The following ABCA7 variants were observed in gnomAD, a reference collection of about 807,000 sequenced individuals.
ABCA7 encodes the protein phospholipid-transporting ATPase ABCA7.
Under a neutral mutation model 227.6 loss-of-function variants are expected in ABCA7, and 261 were observed. That is an observed-to-expected ratio of 1.15 (90% confidence interval 1.04 to 1.27). The LOEUF (loss-of-function observed/expected upper bound fraction) is 1.27. Among genes scored for constraint, ABCA7 ranks in the 50% most tolerant of loss-of-function variants. ABCA7 has a pLI of 0.00. For synonymous variants in ABCA7, 1,488 were observed against 1,279.7 expected (o/e 1.16, Z -3.47); for missense variants, 3,331 against 2,924.5 (o/e 1.14, Z -3.21).
Position 1,065,465 on chromosome 19 carries a change from T to C in ABCA7, c.*40T>C. 2 of 1,608,744 alleles carry C rather than the reference T, an allele frequency of 1.2e-6. No individual in the cohort carries two copies. Among genetic ancestry groups the C allele is most frequent in the Non-Finnish European group, 1.7e-6 (2 of 1,177,162 alleles). On this transcript the variant is annotated 3_prime_UTR_variant, in exon 47 of 47. Transcript: ENST00000263094. ...CGGGGCCGCGGGGAGGCCCTGGGAA[T>C]GGCAAGGGCAAGGTAGAGTGCCTAG...
rs1299665116 is a variant in ABCA7 at position 1,041,596 on chromosome 19, C to G, written c.153C>G (p.His51Gln). The G allele has an allele frequency of 6.2e-7, 1 of 1,612,178 alleles. No individual in the cohort carries two copies. Among genetic ancestry groups the G allele is most frequent in the Admixed American group, 1.7e-5 (1 of 60,018 alleles). ...AVRHSHPPLEHHECHFPNKPL... is the reference protein window; with the variant it reads ...AVRHSHPPLEQHECHFPNKPL... ...GCCACTCCCACCCGCCCCTGGAGCA[C>G]CATGAATGTGAGCCCCCCCAGGGAC... The change falls in exon 3 of 47, where the codon CAC (histidine) becomes CAG (glutamine). Residue 51 changes from histidine to glutamine, a missense_variant. Physicochemically the swap from His to Gln is conservative, Grantham distance 24. Transcript: ENST00000263094.
At position 1,053,372 on chromosome 19, in the gene ABCA7, G is replaced by C. The variant is rs751733036; in HGVS notation, c.3264G>C (p.Gly1088=). ...CCCTGGTACAGCACTGGGTGCCCGGGGCACGGCTGGTGGAGGAGCTGCCAC... is the reference window on the plus strand; with the variant it reads ...CCCTGGTACAGCACTGGGTGCCCGGCGCACGGCTGGTGGAGGAGCTGCCAC... ...LLALVQHWVP[G]ARLVEELPHE... The change falls in exon 24 of 47, where the codon GGG becomes GGC. Residue 1088 remains glycine (G), a synonymous_variant. Coordinates refer to ENST00000263094, the MANE Select transcript of ABCA7 (RefSeq NM_019112.4). 6.2e-7 allele frequency: 1 copy of C among 1,609,226 alleles called. No individual in the cohort carries two copies. Among genetic ancestry groups the C allele is most frequent in the Non-Finnish European group, 8.5e-7 (1 of 1,179,420 alleles).
rs2042400340 is a variant in ABCA7 at position 1,057,986 on chromosome 19, T to C, written c.4952T>C (p.Leu1651Pro). The C allele has an allele frequency of 1.2e-6, 2 of 1,613,962 alleles. No homozygotes were observed. The highest frequency in any genetic ancestry group is 1.1e-5 in the South Asian group (1 of 91,096). The change falls in exon 36 of 47, where the codon CTC becomes CCC. Residue 1651 changes from leucine (L) to proline (P), a missense_variant. Transcript: ENST00000263094. ...GTGCCCAGCACAGCCTATGTGGTGC[T>C]CACCTGCATAAACCTCTTTATTGGC... The part of the protein sequence containing the change: ...FSVPSTAYVV[L>P]TCINLFIGIN...
Position 1,042,397 on chromosome 19 carries a change from G to A in ABCA7, c.498G>A (p.Thr166=), listed in dbSNP as rs369528566. Residue 166 remains threonine, a splice_region_variant and synonymous_variant, in exon 6 of 47, where the codon ACG becomes ACA. Coordinates refer to ENST00000263094, the MANE Select transcript of ABCA7 (RefSeq NM_019112.4). ...VAELLTSLLR[T]ESLGLALGQA... ...AGCTGCTGACGTCACTGCTGCGCAC[G>A]GTAGGGTGTCGGGGCGGGACCGCGC... 8.1e-6 allele frequency: 13 copies of A among 1,610,404 alleles called. No individual in the cohort carries two copies. Among genetic ancestry groups the A allele is most frequent in the East Asian group, 6.7e-5 (3 of 44,752 alleles).
rs763730811 is a variant in ABCA7 at position 1,056,861 on chromosome 19, C to A, written c.4587-46C>A. ...GCGTGTTCAGCTCTGCTCTGAGCAA[C>A]CCATGCACCCTCACCCTACAACAGC... On this transcript the variant is annotated intron_variant, in intron 33 of 46. Transcript: ENST00000263094. The surrounding 1 kb of genome is among the most constrained non-coding windows in gnomAD (Gnocchi z 4.3). The A allele has an allele frequency of 6.3e-7, 1 of 1,586,636 alleles. No homozygotes were observed. Among genetic ancestry groups the A allele is most frequent in the Admixed American group, 1.7e-5 (1 of 58,870 alleles).
rs972918339 is a variant in ABCA7, at chr19:1,046,972, G to C, written c.1793G>C (p.Ser598Thr). ...RAVLWLGWFL[S>T]CLGPFLLSAA... Reference sequence around the variant, plus strand: ...GTGCTCTGGCTAGGCTGGTTCCTCAGCTGCCTCGGGCCCTTCCTGCTCAGC... The same window carrying C: ...GTGCTCTGGCTAGGCTGGTTCCTCACCTGCCTCGGGCCCTTCCTGCTCAGC... The change falls in exon 14 of 47, where the codon AGC (serine) becomes ACC (threonine). Residue 598 changes from serine to threonine, a missense_variant. Coordinates refer to ENST00000263094, the MANE Select transcript of ABCA7 (RefSeq NM_019112.4). 2 of 1,583,972 alleles carry C rather than the reference G, an allele frequency of 1.3e-6. No homozygotes were observed. The highest frequency in any genetic ancestry group is 1.1e-5 in the South Asian group (1 of 87,204).
In ABCA7 at chr19:1,064,967, C is replaced by G; in HGVS notation, c.6081C>G (p.Pro2027=). 6.5e-7 allele frequency: 1 copy of G among 1,550,018 alleles called. No homozygotes were observed. The highest frequency in any genetic ancestry group is 8.7e-7 in the Non-Finnish European group (1 of 1,148,790). ...GTCACACACTGACCCTGCGGGTGCC[C>G]GCCGCAAGGTCCCAGCCGGCAGCGG... ...AAGHTLTLRV[P]AARSQPAAAF... Residue 2027 remains proline (P), a synonymous_variant, in exon 46 of 47, where the codon CCC becomes CCG. Coordinates refer to ENST00000263094, the MANE Select transcript of ABCA7 (RefSeq NM_019112.4).
chr19:1,053,287 G>A (rs1182607085), intron 23 of ABCA7, 42 bp from the exon 24 acceptor site: 2 of 1,574,682 alleles, frequency 1.3e-6, no homozygotes, highest in East Asian at 2.3e-5. Context: ...CTGGGGTGGG[G>A]CGTGAGCCGG....
At chr19:1,047,060 G>T in intron 14 of ABCA7, 36 bp downstream of exon 14, 1 of 1,551,322 alleles carries the variant, frequency 6.4e-7, no homozygotes. Context: ...TGCAGAATGG[G>T]TGCGCTGGAG....
rs368652784 is a variant in ABCA7, at chr19:1,046,946, G to A, written c.1767G>A (p.Ala589=). Residue 589 remains alanine, a synonymous_variant, in exon 14 of 47, where the codon GCG becomes GCA. Coordinates refer to ENST00000263094, the MANE Select transcript of ABCA7 (RefSeq NM_019112.4). ...TGCGCGCCATGGGGCTCAGCCGCGC[G>A]GTGCTCTGGCTAGGCTGGTTCCTCA... is the stretch of plus-strand genomic sequence containing the variant. The part of the protein sequence containing the change: ...DTMRAMGLSR[A]VLWLGWFLSC... The A allele has an allele frequency of 5.5e-5, 86 of 1,568,928 alleles. No individual in the cohort carries two copies. The highest frequency in any genetic ancestry group is 7.0e-5 in the Non-Finnish European group (82 of 1,165,856).
chr19:1,040,433 C>G (rs779459808), intron 1 of ABCA7, among the ~76,000 whole-genome samples: 3 of 152,176 alleles, frequency 2.0e-5, no homozygotes, highest in Non-Finnish European at 4.4e-5. Flanking sequence ...AACTCCTGCA[C>G]TCCCCCTTGC....
At position 1,044,759 on chromosome 19, in the gene ABCA7, A is replaced by C; in HGVS notation, c.1215+15A>C. On this transcript the variant is annotated intron_variant, in intron 11 of 46. Transcript: ENST00000263094. ...GAGTGACGGAGGTGAGGGCCTGTCC[A>C]CCTGCGGGGTCTGTTTCAGTGGGGA... The C allele has an allele frequency of 6.3e-7, 1 of 1,583,184 alleles. No individual in the cohort carries two copies. The highest frequency in any genetic ancestry group is 8.6e-7 in the Non-Finnish European group (1 of 1,167,184).
chr19:1,065,011 TC>T lies in ABCA7; in HGVS notation c.6128del (p.Pro2043LeufsTer46). On this transcript the variant is annotated frameshift_variant, in exon 46 of 47. Coordinates refer to ENST00000263094, the MANE Select transcript of ABCA7 (RefSeq NM_019112.4). LOFTEE classifies it high-confidence loss of function. ...GCAGCGGCCTTCGTGGCGGCCGAGT[TC>T]CCTGGGGCGGAGCTGCGCGAGGCAC... ...QPAAAFVAAEFPGAELREAHG... is the reference protein window; with the variant it reads ...QPAAAFVAAEXPGAELREAHG... 6.4e-7 allele frequency: 1 copy of T among 1,557,012 alleles called. No homozygotes were observed.
Position 1,058,176 on chromosome 19 carries a change from C to G in ABCA7, c.5056C>G (p.Gln1686Glu). The change falls in exon 37 of 47, where the codon CAG (glutamine) becomes GAG (glutamate). Residue 1686 changes from glutamine (Q) to glutamate (E), a missense_variant. Transcript: ENST00000263094. ...KLQEVSRILK[Q>E]VFLIFPHFCL... ...GCAGGAGGTGAGCCGGATCTTGAAA[C>G]AGGTCTTCCTTATCTTCCCCCACTT... 1 of 1,613,854 alleles carries G rather than the reference C, an allele frequency of 6.2e-7. No individual in the cohort carries two copies.
At chr19:1,057,201 G>A (rs867237239) in intron 34 of ABCA7, 113 bp from the exon 35 acceptor site, 3 of 1,548,320 alleles carry the variant, frequency 1.9e-6, no homozygotes, top group Middle Eastern at 2.0e-4. Context: ...AGGATTGTGG[G>A]AGACTTTGTG....
In ABCA7 at chr19:1,051,594, C is replaced by A; in HGVS notation, c.2962+8C>A. On this transcript the variant is annotated splice_region_variant and intron_variant, in intron 21 of 46. Transcript: ENST00000263094. ...TGCTCAAATACCGAGAAGGTAAGAG[C>A]TGGGGATTCTGCTCGAGGGGCCAGA... 2 of 1,607,152 alleles carry A rather than the reference C, an allele frequency of 1.2e-6. No individual in the cohort carries two copies. Among genetic ancestry groups the A allele is most frequent in the Non-Finnish European group, 1.7e-6 (2 of 1,175,986 alleles).
rs1400764056 is a variant in ABCA7, at chr19:1,042,333, A to C, written c.434A>C (p.Lys145Thr). Residue 145 changes from lysine (K) to threonine (T), a missense_variant, in exon 6 of 47, where the codon AAG becomes ACG. Coordinates refer to ENST00000263094, the MANE Select transcript of ABCA7 (RefSeq NM_019112.4). ...CCCCCAGCCCAGCCTCAACCAACCA[A>C]GCAGTCTCCACTGGAACCACCCATG... ...ARSTAQPQPT[K>T]QSPLEPPMLD... The C allele has an allele frequency of 6.3e-7, 1 of 1,583,762 alleles. No homozygotes were observed. Among genetic ancestry groups the C allele is most frequent in the Admixed American group, 1.7e-5 (1 of 58,970 alleles).
intron 12 of ABCA7, 51 bp from the exon 13 acceptor site, chr19:1,046,179 C>G (rs2040632323): frequency 6.3e-7 from 1 of 1,588,594 alleles, no homozygotes; most frequent in Non-Finnish European, 8.5e-7. Flanking sequence ...GGGTGGGGCC[C>G]CGGGAGTTTC....
chr19:1,063,670 G>C lies in ABCA7; in HGVS notation c.5839G>C (p.Val1947Leu). ...ALALVGDPAV[V>L]FLDEPTTGMD... ...GGCGCTGGTTGGGGACCCAGCCGTG[G>C]TGTTTCTGGTGCGTGGGAGCGGTGC... Residue 1947 changes from valine to leucine, a missense_variant, in exon 43 of 47, where the codon GTG (valine) becomes CTG (leucine). Val to Leu is a conservative substitution (Grantham distance 32). Transcript: ENST00000263094. 1 of 1,601,008 alleles carries C rather than the reference G, an allele frequency of 6.2e-7. No individual in the cohort carries two copies. The highest frequency in any genetic ancestry group is 8.5e-7 in the Non-Finnish European group (1 of 1,175,172).
Sources: allele counts gnomAD v4.1 joint callset (sites outside exome capture counted in the v4.1 genomes callset), GRCh38; gene constraint gnomAD v4.1.1; non-coding constraint Gnocchi (gnomAD v3.1); transcripts MANE v1.5; gene names NCBI Gene and HGNC (gene_info 2026-07-23, HGNC 2026-07-21).